Variants in NCALD observed in about 807,000 individuals in gnomAD.
The protein encoded by NCALD is neurocalcin delta.
Under a neutral mutation model 18.6 loss-of-function variants are expected in NCALD, and 10 were observed. That is an observed-to-expected ratio of 0.54 (90% CI 0.33 to 0.91). The LOEUF (loss-of-function observed/expected upper bound fraction) is 0.91. Among genes scored for constraint, NCALD ranks in the 40% least tolerant of loss-of-function variants. NCALD has a pLI of 0.03. For synonymous variants in NCALD, 88 were observed against 87.4 expected, an observed-to-expected ratio of 1.01 and a Z score of -0.04; for missense variants, 184 against 247.6, an observed-to-expected ratio of 0.74 and a Z score of 1.72.
chr8:102,054,102 T>A (rs988778360), intron 1 of NCALD, among the ~76,000 whole-genome samples: 17 of 152,070 alleles, frequency 1.1e-4, no homozygotes, highest in African/African-American at 4.1e-4. Flanking sequence ...AAAAGCAGAG[T>A]CAAATCTTTC....
At chr8:101,877,972 C>G (rs1816298901) in intron 4 of NCALD, among the ~76,000 whole-genome samples, 1 of 152,170 alleles carries the variant, frequency 6.6e-6, no homozygotes, top group Admixed American at 6.5e-5. Context: ...AGCCACTGAT[C>G]TAATGAAGCT....
At chr8:101,884,098 T>A (rs1340155447) in intron 4 of NCALD, among the ~76,000 whole-genome samples, 1 of 152,218 alleles carries the variant, frequency 6.6e-6, no homozygotes, top group East Asian at 1.9e-4. Context: ...ATACTAGCTT[T>A]GGCTCAATTC....
intron 2 of NCALD, among the ~76,000 whole-genome samples, chr8:101,990,441 C>A (rs9656848): frequency 0.013 from 1,939 of 152,266 alleles, 44 homozygotes; most frequent in African/African-American, 0.044. Flanking sequence ...TATGGTTTGG[C>A]CAGTGTCCCC....
intron 4 of NCALD, among the ~76,000 whole-genome samples, chr8:101,858,071 A>C (rs1339885600): frequency 6.6e-6 from 1 of 152,126 alleles, no homozygotes; most frequent in Non-Finnish European, 1.5e-5. Context: ...ATATATACAA[A>C]CTTCATGTTA....
At chr8:101,920,927 A>G (rs1818142894) in intron 2 of NCALD, among the ~76,000 whole-genome samples, 2 of 152,228 alleles carry the variant, frequency 1.3e-5, no homozygotes, top group Admixed American at 6.5e-5. Flanking sequence ...TAATGTGACA[A>G]TAGGAAATTA....
At chr8:101,703,335 C>T (rs1375925235) in intron 2 of NCALD, among the ~76,000 whole-genome samples, 1 of 152,104 alleles carries the variant, frequency 6.6e-6, no homozygotes, top group East Asian at 1.9e-4. Flanking sequence ...ATGAATAGCA[C>T]AAAAATGGTG....
At chr8:101,753,586 A>G (rs1409999513) in intron 1 of NCALD, among the ~76,000 whole-genome samples, 1 of 152,172 alleles carries the variant, frequency 6.6e-6, no homozygotes, top group African/African-American at 2.4e-5. Flanking sequence ...CTTACCATGG[A>G]CTGGCTTGGG....
At chr8:102,066,625 AAG>A (rs1258721451) in intron 1 of NCALD, among the ~76,000 whole-genome samples, 2 of 152,184 alleles carry the variant, frequency 1.3e-5, no homozygotes, top group African/African-American at 4.8e-5. Flanking sequence ...GCCCTTAGAG[AAG>A]AGAGGGAAAA....
intron 4 of NCALD, among the ~76,000 whole-genome samples, chr8:101,865,154 AAG>A (rs1459688551): frequency 3.0e-4 from 45 of 152,218 alleles, no homozygotes; most frequent in Admixed American, 1.5e-3. Context: ...CATCCAGAAT[AAG>A]AGAGATTTTG....
chr8:102,026,241 T>G (rs1014580711), intron 1 of NCALD, among the ~76,000 whole-genome samples: 4 of 152,076 alleles, frequency 2.6e-5, no homozygotes, highest in African/African-American at 9.7e-5. Flanking sequence ...TACCCAAAAG[T>G]CTCAATTCAT....
chr8:102,032,228 A>G (rs1822699570), intron 1 of NCALD, among the ~76,000 whole-genome samples: 1 of 152,170 alleles, frequency 6.6e-6, no homozygotes, highest in Non-Finnish European at 1.5e-5. Context: ...GATACAAGTA[A>G]GCCATATGAT....
intron 3 of NCALD, among the ~76,000 whole-genome samples, chr8:101,901,601 T>C (rs1817425141): frequency 6.6e-6 from 1 of 152,122 alleles, no homozygotes; most frequent in Admixed American, 6.5e-5. Context: ...GTAGAATTCT[T>C]ACCTCCCTTT....
At position 101,687,416 on chromosome 8, in the gene NCALD, G is replaced by T. The variant is rs1277959031; in HGVS notation, c.*1893C>A. The T allele has an allele frequency of 6.6e-6, 1 of 152,604 alleles. No individual in the cohort carries two copies. The highest frequency in any genetic ancestry group is 1.5e-5 in the Non-Finnish European group (1 of 68,028). The allele number at this position is 152,604 out of a possible 1,614,324, so 9.5% of individuals were successfully genotyped here. ...CCATGGAGGAATTTGGCAAGTTTTG[G>T]TACAGAACCACTGTGAGGAACTGAC... On this transcript the variant is annotated 3_prime_UTR_variant, in exon 4 of 4. Transcript: ENST00000220931.
intron 2 of NCALD, among the ~76,000 whole-genome samples, chr8:101,952,913 C>T (rs1819486101): frequency 6.6e-6 from 1 of 152,056 alleles, no homozygotes; most frequent in African/African-American, 2.4e-5. Flanking sequence ...GAGGCAATAG[C>T]AAGACTTCTT....
At chr8:101,764,888 C>T (rs1811280848) in intron 1 of NCALD, among the ~76,000 whole-genome samples, 1 of 152,168 alleles carries the variant, frequency 6.6e-6, no homozygotes, top group Non-Finnish European at 1.5e-5. Flanking sequence ...GATTTAAACT[C>T]ATGTTGTTCT....
chr8:101,812,880 C>A (rs113041175), intron 4 of NCALD, among the ~76,000 whole-genome samples: 3,228 of 152,230 alleles, frequency 0.021, 105 homozygotes, highest in African/African-American at 0.069. Flanking sequence ...GGTGTTCTAT[C>A]ACTTGAAAGC....
At chr8:102,116,195 C>G (rs955553240) in intron 1 of NCALD, among the ~76,000 whole-genome samples, 4 of 152,124 alleles carry the variant, frequency 2.6e-5, no homozygotes, top group Non-Finnish European at 5.9e-5. Flanking sequence ...CAACATGGCA[C>G]ATGTATACAT....
intron 3 of NCALD, among the ~76,000 whole-genome samples, chr8:101,888,588 T>C (rs1271793284): frequency 2.0e-5 from 3 of 148,920 alleles, no homozygotes; most frequent in Non-Finnish European, 4.5e-5. Flanking sequence ...TGGCTAACCT[T>C]TTTTTTTTAA....
intron 2 of NCALD, among the ~76,000 whole-genome samples, chr8:102,013,733 G>A (rs1821985773): frequency 6.6e-6 from 1 of 152,188 alleles, no homozygotes; most frequent in Non-Finnish European, 1.5e-5. Context: ...AAAGGAATGA[G>A]TTTAAAATAC....
Sources: allele counts gnomAD v4.1 joint callset (sites outside exome capture counted in the v4.1 genomes callset), GRCh38; gene constraint gnomAD v4.1.1; transcripts MANE v1.5; gene names NCBI Gene and HGNC (gene_info 2026-07-23, HGNC 2026-07-21).